The following RSF1 variants were observed in gnomAD, a reference collection of about 807,000 sequenced individuals.
RSF1 encodes HBV pX-associated protein 8.
RSF1 carries 13 observed loss-of-function variants against 145.2 expected under a neutral mutation model. The observed-to-expected ratio is 0.09, with a 90% CI of 0.06 to 0.14. The LOEUF (loss-of-function observed/expected upper bound fraction) is 0.14. Among genes scored for constraint, RSF1 ranks in the 10% least tolerant of loss-of-function variants. The pLI, the probability that RSF1 is intolerant of heterozygous loss-of-function variation, is 1.00. For missense variants in RSF1, 1,517 were observed against 1,718.2 expected, an observed-to-expected ratio of 0.88 and a Z score of 2.07; for synonymous variants, 577 against 592.6, an observed-to-expected ratio of 0.97 and a Z score of 0.38.
chr11:77,677,292 T>C (rs1959734751), intron 12 of RSF1, among the ~76,000 whole-genome samples: 1 of 152,190 alleles, frequency 6.6e-6, no homozygotes, highest in Non-Finnish European at 1.5e-5. Context: ...CAGACATTTT[T>C]AGTATAGTCA....
At chr11:77,870,329 ATTTTTTTTTT>A in the RSF1 span, among the ~76,000 whole-genome samples, 5 of 87,984 alleles carry the variant, frequency 5.7e-5, no homozygotes, top group African/African-American at 2.5e-4. Flanking sequence ...CTATTTTTTA[ATTTTTTTTTT>A]TTTTTTTTTT....
At chr11:77,748,370 G>A (rs78446525) in intron 2 of RSF1, among the ~76,000 whole-genome samples, 3,084 of 151,734 alleles carry the variant, frequency 0.02, 95 homozygotes, top group African/African-American at 0.07. Flanking sequence ...GGCTATAGCC[G>A]TGTGCCACCA....
the RSF1 span, among the ~76,000 whole-genome samples, chr11:77,836,355 G>A: frequency 6.6e-6 from 1 of 151,932 alleles, no homozygotes; most frequent in Non-Finnish European, 1.5e-5. Flanking sequence ...AATCTAATAG[G>A]ATGGGTGAAT....
chr11:77,712,424 T>C (rs1279138593), intron 5 of RSF1, among the ~76,000 whole-genome samples: 1 of 152,228 alleles, frequency 6.6e-6, no homozygotes, highest in African/African-American at 2.4e-5. Flanking sequence ...GTCTCAGGTA[T>C]ATCTTTATTA....
At chr11:77,788,166 A>AAAAAAAAAAAAAAAAAT in intron 1 of RSF1, among the ~76,000 whole-genome samples, 1 of 137,054 alleles carries the variant, frequency 7.3e-6, no homozygotes, top group Non-Finnish European at 1.6e-5. Flanking sequence ...AAAAAAAAAA[A>AAAAAAAAAAAAAAAAAT]AAAAAAAAAA....
intron 11 of RSF1, among the ~76,000 whole-genome samples, chr11:77,678,769 G>A (rs1959781489): frequency 6.6e-6 from 1 of 152,068 alleles, no homozygotes; most frequent in Non-Finnish European, 1.5e-5. Flanking sequence ...ACTAGGCATC[G>A]GGTCTACCCT....
chr11:77,692,975 C>T (rs1960195063), intron 8 of RSF1, among the ~76,000 whole-genome samples: 1 of 152,172 alleles, frequency 6.6e-6, no homozygotes, highest in South Asian at 2.1e-4. Flanking sequence ...TGTGTCTGGC[C>T]TAATCTATCA....
intron 1 of RSF1, chr11:77,813,300 A>G: frequency 1.3e-6 from 1 of 752,122 alleles, no homozygotes; most frequent in Non-Finnish European, 2.3e-6. Context: ...CTGGTAATCA[A>G]TTTATTAAAA....
In RSF1 at chr11:77,702,011, T is replaced by C; in HGVS notation, c.1218A>G (p.Ser406=). 6.2e-7 allele frequency: 1 copy of C among 1,614,022 alleles called. No homozygotes were observed. The highest frequency in any genetic ancestry group is 8.5e-7 in the Non-Finnish European group (1 of 1,179,948). The change falls in exon 6 of 16, where the codon TCA becomes TCG. Residue 406 remains serine, a synonymous_variant. Coordinates refer to ENST00000308488, the MANE Select transcript of RSF1 (RefSeq NM_016578.4). ...DSPVKGPLCK[S]VTPTKEFLKD... The stretch of plus-strand genomic sequence containing the variant: ...TCAAAAACTCTTTTGTTGGAGTAAC[T>C]GATTTACACAAAGGTCCCTTGACTG...
At chr11:77,669,295 C>T (rs910795287) in intron 15 of RSF1, among the ~76,000 whole-genome samples, 12 of 152,130 alleles carry the variant, frequency 7.9e-5, no homozygotes, top group Admixed American at 2.0e-4. Flanking sequence ...CTAGCTTCTG[C>T]CCTGGCCCCC....
At chr11:77,730,507 A>C (rs777161834) in intron 4 of RSF1, among the ~76,000 whole-genome samples, 3 of 152,170 alleles carry the variant, frequency 2.0e-5, no homozygotes, top group Non-Finnish European at 4.4e-5. Flanking sequence ...ATTCCCACAA[A>C]AATTCCCTCC....
At chr11:77,750,440 T>C (rs766771669) in intron 2 of RSF1, among the ~76,000 whole-genome samples, 2 of 152,238 alleles carry the variant, frequency 1.3e-5, no homozygotes, top group Admixed American at 6.5e-5. Flanking sequence ...TTGAATTTCA[T>C]AGAATTTTTA....
At chr11:77,797,959 C>A (rs1948589173) in intron 1 of RSF1, among the ~76,000 whole-genome samples, 1 of 152,172 alleles carries the variant, frequency 6.6e-6, no homozygotes, top group Non-Finnish European at 1.5e-5. Flanking sequence ...CAATGAGATA[C>A]CATCTCACGC....
At chr11:77,795,593 G>T (rs150900962) in intron 1 of RSF1, among the ~76,000 whole-genome samples, 75 of 152,266 alleles carry the variant, frequency 4.9e-4, no homozygotes, top group Admixed American at 1.3e-3. Context: ...CTTAGACAAA[G>T]CTGTCAAGAA....
At chr11:77,729,540 T>C (rs889638773) in intron 4 of RSF1, among the ~76,000 whole-genome samples, 8 of 144,906 alleles carry the variant, frequency 5.5e-5, no homozygotes, top group Non-Finnish European at 9.0e-5. Flanking sequence ...TCAGAAGCAA[T>C]GAAGAAAAAA....
the RSF1 span, among the ~76,000 whole-genome samples, chr11:77,849,445 A>G: frequency 6.6e-6 from 1 of 152,152 alleles, no homozygotes; most frequent in Non-Finnish European, 1.5e-5. Flanking sequence ...GCTTGTCTCA[A>G]ACTCCTGACC....
intron 1 of RSF1, among the ~76,000 whole-genome samples, chr11:77,775,262 A>T (rs936553402): frequency 6.6e-6 from 1 of 151,566 alleles, no homozygotes; most frequent in Non-Finnish European, 1.5e-5. Context: ...AAAAAAAAAA[A>T]CCCAAAACAC....
chr11:77,748,215 TC>T (rs1346991808), intron 2 of RSF1, among the ~76,000 whole-genome samples: 3 of 132,756 alleles, frequency 2.3e-5, no homozygotes, highest in Non-Finnish European at 5.0e-5. Context: ...TAATAGAGGA[TC>T]TTTTTTTTTT....
chr11:77,855,906 T>C, the RSF1 span, among the ~76,000 whole-genome samples: 1 of 151,896 alleles, frequency 6.6e-6, no homozygotes, highest in Non-Finnish European at 1.5e-5. Context: ...TTGCTTAAGT[T>C]CAGGAGTTCA....
Sources: allele counts gnomAD v4.1 joint callset (sites outside exome capture counted in the v4.1 genomes callset), GRCh38; gene constraint gnomAD v4.1.1; transcripts MANE v1.5; gene names NCBI Gene and HGNC (gene_info 2026-07-23, HGNC 2026-07-21).